The following ZNF385B variants were observed in gnomAD, a reference collection of about 807,000 sequenced individuals.
ZNF385B encodes zinc finger protein 385B, also known as zinc finger protein 533.
A neutral mutation model predicts 39.2 loss-of-function variants in ZNF385B; 23 were observed. That is an observed-to-expected ratio of 0.59 (90% confidence interval 0.42 to 0.83). ZNF385B has a LOEUF of 0.83. ZNF385B is among the 40% of genes least tolerant of loss of function. The pLI is 0.00. For synonymous variants in ZNF385B, 205 were observed against 222.6 expected (o/e 0.92, Z 0.70); for missense variants, 552 against 598.9 (o/e 0.92, Z 0.82).
intron 1 of ZNF385B, among the ~76,000 whole-genome samples, chr2:179,830,105 G>A (rs1433643844): frequency 6.6e-6 from 1 of 152,202 alleles, no homozygotes; most frequent in Admixed American, 6.5e-5. Flanking sequence ...TAGGCATATT[G>A]AAAGACTCCG....
chr2:179,821,885 G>A (rs1437683143), intron 1 of ZNF385B, among the ~76,000 whole-genome samples: 1 of 152,016 alleles, frequency 6.6e-6, no homozygotes, highest in Non-Finnish European at 1.5e-5. Flanking sequence ...TAGGATGCAA[G>A]AAAAAAGAGT....
chr2:179,479,309 A>G (rs1197959300), intron 6 of ZNF385B, among the ~76,000 whole-genome samples: 2 of 152,196 alleles, frequency 1.3e-5, no homozygotes, highest in Non-Finnish European at 2.9e-5. Flanking sequence ...GAAAGAAAAA[A>G]AAGAAAGCTT....
chr2:179,734,756 A>G (rs1044491123), intron 3 of ZNF385B, among the ~76,000 whole-genome samples: 3 of 152,234 alleles, frequency 2.0e-5, no homozygotes, highest in African/African-American at 4.8e-5. Context: ...CAGTATAAGT[A>G]CAATAATAGA....
intron 3 of ZNF385B, among the ~76,000 whole-genome samples, chr2:179,756,553 G>C (rs1050252216): frequency 1.9e-4 from 29 of 152,148 alleles, no homozygotes; most frequent in Non-Finnish European, 4.0e-4. Flanking sequence ...AAGTTCTCCT[G>C]GATAATATCC....
At position 179,466,876 on chromosome 2, in the gene ZNF385B, G is replaced by A. The variant is rs541934186; in HGVS notation, c.715+16396C>T. ...GCAGAGATTGCAGTGAGCTGAGAACGTGCCACTGTATTCCAGCCTGGCAAC... is the reference window on the plus strand; with the variant it reads ...GCAGAGATTGCAGTGAGCTGAGAACATGCCACTGTATTCCAGCCTGGCAAC... On this transcript the variant is annotated intron_variant, in intron 6 of 9. Coordinates refer to ENST00000410066, the MANE Select transcript of ZNF385B (RefSeq NM_152520.6). Among the ~76,000 whole-genome samples the A allele has an allele frequency of 1.4e-4, 18 of 126,974 alleles. 1 individual carries two copies. The highest frequency in any genetic ancestry group is 5.1e-4 in the African/African-American group (17 of 33,072). The allele number at this position is 126,974 out of a possible 152,430, so 83.3% of individuals were successfully genotyped here. A position where few individuals can be genotyped will look rare whatever the true frequency, so the allele number is the denominator to read the frequency against.
intron 1 of ZNF385B, among the ~76,000 whole-genome samples, chr2:179,797,382 C>T (rs1032270753): frequency 2.0e-5 from 3 of 152,132 alleles, no homozygotes. Flanking sequence ...TTAAAAAATA[C>T]ATAACCACAC....
chr2:179,461,134 G>C (rs767214019), intron 6 of ZNF385B, among the ~76,000 whole-genome samples: 22 of 152,192 alleles, frequency 1.4e-4, no homozygotes, highest in Admixed American at 2.6e-4. Flanking sequence ...ACTGGGGTCT[G>C]ATTGCAGGAT....
At chr2:179,484,339 T>A (rs2054331287) in intron 5 of ZNF385B, among the ~76,000 whole-genome samples, 1 of 151,068 alleles carries the variant, frequency 6.6e-6, no homozygotes, top group Admixed American at 6.6e-5. Flanking sequence ...TTGAAAAGAC[T>A]CTGAAAAAAC....
chr2:179,478,181 T>C (rs1283428870), intron 6 of ZNF385B, among the ~76,000 whole-genome samples: 1 of 152,234 alleles, frequency 6.6e-6, no homozygotes, highest in Admixed American at 6.5e-5. Flanking sequence ...TCATTGTTAC[T>C]ATAGTTTTGG....
chr2:179,767,639 G>C (rs1458106709), intron 3 of ZNF385B, among the ~76,000 whole-genome samples: 1 of 152,074 alleles, frequency 6.6e-6, no homozygotes, highest in Non-Finnish European at 1.5e-5. Context: ...ATGATGTCAG[G>C]CTTGAACCTC....
In ZNF385B at chr2:179,451,549, G is replaced by A. The variant is rs536028799; in HGVS notation, c.716-4779C>T. ...TAACACTTACATGGTCTAAAATTCA[G>A]ATAAATTATGTTTTAAATTTTTTTT... is the stretch of plus-strand genomic sequence containing the variant. On this transcript the variant is annotated intron_variant, in intron 6 of 9. Coordinates refer to ENST00000410066, the MANE Select transcript of ZNF385B (RefSeq NM_152520.6). Among the ~76,000 whole-genome samples the A allele has an allele frequency of 2.8e-3, 426 of 152,136 alleles. 2 individuals carry two copies. The highest frequency in any genetic ancestry group is 9.7e-3 in the African/African-American group (402 of 41,520).
At chr2:179,734,156 C>A (rs1245539497) in intron 3 of ZNF385B, among the ~76,000 whole-genome samples, 1 of 152,096 alleles carries the variant, frequency 6.6e-6, no homozygotes, top group African/African-American at 2.4e-5. Flanking sequence ...TCATCTATTG[C>A]TGAGTATTTT....
intron 3 of ZNF385B, among the ~76,000 whole-genome samples, chr2:179,716,949 G>T (rs563384896): frequency 6.6e-6 from 1 of 152,274 alleles, no homozygotes; most frequent in East Asian, 1.9e-4. Flanking sequence ...CCATATGTCA[G>T]CCTCTGAGTC....
intron 1 of ZNF385B, among the ~76,000 whole-genome samples, chr2:179,798,638 C>T (rs1412539596): frequency 2.0e-5 from 3 of 151,950 alleles, no homozygotes; most frequent in Non-Finnish European, 4.4e-5. Context: ...TTACTAACCC[C>T]AATAACACAC....
At position 179,729,995 on chromosome 2, in the gene ZNF385B, C is replaced by G. The variant is rs190024559; in HGVS notation, c.298+39508G>C. ...CTTTTCTTTATAAATTACCCAGTCT[C>G]AAGTGTGTCTTTATAGCAGTGCAGA... is the stretch of plus-strand genomic sequence containing the variant. On this transcript the variant is annotated intron_variant, in intron 3 of 9. Transcript: ENST00000410066. 5.9e-3 allele frequency among the ~76,000 whole-genome samples: 905 copies of G among 152,314 alleles called. 7 individuals are homozygous for G. Among genetic ancestry groups the G allele is most frequent in the African/African-American group, 0.02 (833 of 41,574 alleles).
intron 1 of ZNF385B, among the ~76,000 whole-genome samples, chr2:179,792,365 A>ATTTTTTTTTT (rs66980141): frequency 2.5e-5 from 3 of 120,616 alleles, no homozygotes; most frequent in African/African-American, 9.5e-5. Context: ...AGGCCATTTC[A>ATTTTTTTTTT]TTTTCTTTTC....
At chr2:179,521,471 A>C (rs551358674) in intron 4 of ZNF385B, among the ~76,000 whole-genome samples, 1 of 149,262 alleles carries the variant, frequency 6.7e-6, no homozygotes, top group South Asian at 2.1e-4. Flanking sequence ...AAGTGCTGGG[A>C]TTACCGGTGT....
At chr2:179,672,460 G>A (rs1312139736) in intron 3 of ZNF385B, among the ~76,000 whole-genome samples, 3 of 152,264 alleles carry the variant, frequency 2.0e-5, no homozygotes, top group African/African-American at 4.8e-5. Context: ...CTCTTGGGAT[G>A]GGATGAATGT....
chr2:179,858,289 G>A (rs948572199), intron 1 of ZNF385B, among the ~76,000 whole-genome samples: 3 of 152,164 alleles, frequency 2.0e-5, no homozygotes, highest in African/African-American at 7.2e-5. Context: ...TTGACACAAA[G>A]TCACCCTTGT....
Sources: gnomAD v4.1 joint callset for allele counts (sites outside exome capture counted in the v4.1 genomes callset) on GRCh38, gnomAD v4.1.1 for gene constraint, MANE v1.5 for transcripts, NCBI Gene and HGNC (gene_info 2026-07-23, HGNC 2026-07-21) for gene names.